Variants in GPC5 observed in about 807,000 individuals in gnomAD.
The protein encoded by GPC5 is glypican 5.
A neutral mutation model predicts 53.9 loss-of-function variants in GPC5; 47 were observed. The observed-to-expected ratio is 0.87, with a 90% CI of 0.69 to 1.11. GPC5 has a LOEUF of 1.11. Among genes scored for constraint, GPC5 ranks in the 50% most tolerant of loss-of-function variants. The probability of loss-of-function intolerance (pLI) is 0.00; values close to 1 mark genes in which losing one functional copy is unlikely to be tolerated. For synonymous variants in GPC5, 286 were observed against 263.3 expected, an observed-to-expected ratio of 1.09 and a Z score of -0.84; for missense variants, 748 against 713.1, an observed-to-expected ratio of 1.05 and a Z score of -0.56.
chr13:91,996,233 T>A (rs1246123687), intron 6 of GPC5: 1 of 152,282 alleles, frequency 6.6e-6, no homozygotes, highest in Non-Finnish European at 1.5e-5. Context: ...GCTCTCCACG[T>A]TCTCACTTTT....
intron 6 of GPC5, among the ~76,000 whole-genome samples, chr13:92,098,875 G>T (rs1023980223): frequency 6.6e-6 from 1 of 151,722 alleles, no homozygotes; most frequent in Non-Finnish European, 1.5e-5. Context: ...CTTCAGAAAT[G>T]TAAGCTAATA....
chr13:92,526,451 A>G (rs576281837), intron 7 of GPC5, among the ~76,000 whole-genome samples: 2 of 152,190 alleles, frequency 1.3e-5, no homozygotes, highest in African/African-American at 4.8e-5. Context: ...TGTGGGTGAA[A>G]GATGTGTGTA....
At chr13:92,544,356 G>A (rs1882029438) in intron 7 of GPC5, among the ~76,000 whole-genome samples, 1 of 152,102 alleles carries the variant, frequency 6.6e-6, no homozygotes, top group South Asian at 2.1e-4. Flanking sequence ...TAACATTTTT[G>A]TAGCTACAAA....
intron 6 of GPC5, among the ~76,000 whole-genome samples, chr13:91,937,790 T>TA (rs1461719047): frequency 6.6e-6 from 1 of 152,048 alleles, no homozygotes; most frequent in Non-Finnish European, 1.5e-5. Context: ...CCTTAGGGTG[T>TA]AAAATAGCAA....
chr13:92,780,623 T>A (rs1394579169), intron 7 of GPC5, among the ~76,000 whole-genome samples: 3 of 152,042 alleles, frequency 2.0e-5, no homozygotes, highest in African/African-American at 7.2e-5. Context: ...CTTCAGTGTA[T>A]AATCCAGATC....
intron 7 of GPC5, among the ~76,000 whole-genome samples, chr13:92,495,645 C>A (rs1879948154): frequency 6.7e-6 from 1 of 149,354 alleles, no homozygotes; most frequent in South Asian, 2.1e-4. Context: ...TTTTTTTTCC[C>A]ACAGAGATAA....
intron 7 of GPC5, among the ~76,000 whole-genome samples, chr13:92,573,969 C>A (rs1476399156): frequency 6.6e-6 from 1 of 152,150 alleles, no homozygotes; most frequent in African/African-American, 2.4e-5. Context: ...CAGTGAACAG[C>A]AATCGCACCT....
At chr13:92,128,610 C>T (rs2041718737) in intron 6 of GPC5, among the ~76,000 whole-genome samples, 1 of 152,196 alleles carries the variant, frequency 6.6e-6, no homozygotes. Context: ...ATTAGCAAAA[C>T]CTGTTTAGAA....
At chr13:92,300,749 G>A (rs1192802951) in intron 7 of GPC5, among the ~76,000 whole-genome samples, 1 of 152,146 alleles carries the variant, frequency 6.6e-6, no homozygotes, top group African/African-American at 2.4e-5. Flanking sequence ...TATTGTGTAA[G>A]CTTTTCTTCT....
At chr13:92,276,069 G>T (rs1311838267) in intron 7 of GPC5, among the ~76,000 whole-genome samples, 1 of 152,108 alleles carries the variant, frequency 6.6e-6, no homozygotes, top group East Asian at 1.9e-4. Flanking sequence ...CTGTCAACTT[G>T]ATTGGGAAGA....
intron 7 of GPC5, among the ~76,000 whole-genome samples, chr13:92,650,652 T>A (rs750895303): frequency 4.6e-5 from 7 of 152,114 alleles, no homozygotes; most frequent in Non-Finnish European, 7.4e-5. Flanking sequence ...GTAAACCTGA[T>A]AAATTAAAAT....
chr13:91,587,922 C>T lies in GPC5; in HGVS notation c.326-105265C>T, dbSNP rs561641567. On this transcript the variant is annotated intron_variant, in intron 2 of 7. Transcript: ENST00000377067. The stretch of plus-strand genomic sequence containing the variant: ...TCCTGCATTGTATATTATGCTTGCT[C>T]TATGCTATTAAAGTAATGAGATTTC... 1.4e-4 allele frequency among the ~76,000 whole-genome samples: 22 copies of T among 152,230 alleles called. 1 individual carries two copies. In the South Asian group the frequency reaches 4.3e-3, roughly 30 times the overall value.
chr13:91,888,011 G>A (rs1173354126), intron 5 of GPC5, among the ~76,000 whole-genome samples: 1 of 152,132 alleles, frequency 6.6e-6, no homozygotes, highest in African/African-American at 2.4e-5. Flanking sequence ...TACTCTACCA[G>A]TACCAATTAC....
At chr13:92,782,835 C>T (rs998531850) in intron 7 of GPC5, among the ~76,000 whole-genome samples, 20 of 151,940 alleles carry the variant, frequency 1.3e-4, no homozygotes, top group Non-Finnish European at 2.5e-4. Flanking sequence ...AATATAAATT[C>T]TTTTTTTCTT....
chr13:91,769,967 GC>G (rs1469250896), intron 5 of GPC5, among the ~76,000 whole-genome samples: 1 of 152,034 alleles, frequency 6.6e-6, no homozygotes, highest in Non-Finnish European at 1.5e-5. Context: ...CCCACAAGAT[GC>G]CCCCCACTTT....
chr13:92,180,250 A>G (rs2042137074), intron 7 of GPC5, among the ~76,000 whole-genome samples: 1 of 152,222 alleles, frequency 6.6e-6, no homozygotes, highest in East Asian at 1.9e-4. Context: ...TGCAGTTTAA[A>G]TTAGCTTTTT....
At chr13:92,562,153 T>C (rs993908812) in intron 7 of GPC5, among the ~76,000 whole-genome samples, 1 of 152,026 alleles carries the variant, frequency 6.6e-6, no homozygotes, top group Non-Finnish European at 1.5e-5. Flanking sequence ...AACACAGCAA[T>C]AGTTATCAAG....
chr13:92,847,332 C>A (rs1219553532), intron 7 of GPC5, among the ~76,000 whole-genome samples: 3 of 152,102 alleles, frequency 2.0e-5, no homozygotes, highest in Admixed American at 2.0e-4. Flanking sequence ...AATAGGTGAG[C>A]CACTGTGATA....
chr13:92,266,653 T>A (rs1028902310), intron 7 of GPC5, among the ~76,000 whole-genome samples: 2 of 151,664 alleles, frequency 1.3e-5, no homozygotes, highest in African/African-American at 4.8e-5. Flanking sequence ...GGGTGGAATG[T>A]GCTTATTTCA....
Sources: allele counts gnomAD v4.1 joint callset (sites outside exome capture counted in the v4.1 genomes callset), GRCh38; gene constraint gnomAD v4.1.1; transcripts MANE v1.5; gene names NCBI Gene and HGNC (gene_info 2026-07-23, HGNC 2026-07-21).